Variants in ITGB2 observed in about 807,000 individuals in gnomAD.
The protein encoded by ITGB2 is integrin beta-2.
Under a neutral mutation model 86.8 loss-of-function variants are expected in ITGB2, and 56 were observed. The observed-to-expected ratio is 0.65, with a 90% CI of 0.52 to 0.81. The LOEUF (loss-of-function observed/expected upper bound fraction) is 0.81, where lower values mean the gene tolerates loss of function less well. Among genes scored for constraint, ITGB2 ranks in the 30% least tolerant of loss-of-function variants. The probability of loss-of-function intolerance (pLI) is 0.00; values close to 1 mark genes in which losing one functional copy is unlikely to be tolerated. For missense variants in ITGB2, 948 were observed against 1,061.2 expected, an observed-to-expected ratio of 0.89 and a Z score of 1.48; for synonymous variants, 457 against 450.4, an observed-to-expected ratio of 1.01 and a Z score of -0.19.
At chr21:44,902,187 G>A (rs576624671) in intron 5 of ITGB2, among the ~76,000 whole-genome samples, 1 of 152,340 alleles carries the variant, frequency 6.6e-6, no homozygotes, top group Admixed American at 6.5e-5. Flanking sequence ...TACATATGTG[G>A]GCATGTGTGT....
At chr21:44,899,846 C>T (rs1043656965) in intron 7 of ITGB2, among the ~76,000 whole-genome samples, 1 of 152,230 alleles carries the variant, frequency 6.6e-6, no homozygotes, top group African/African-American at 2.4e-5. Context: ...CGCAGCCGCT[C>T]ACCCAGCTCA....
At chr21:44,924,281 T>A (rs184471462), upstream of ITGB2, among the ~76,000 whole-genome samples, 94 of 150,758 alleles carry the variant, frequency 6.2e-4, no homozygotes, top group East Asian at 0.015. Context: ...AATACAAAAA[T>A]TAGCTGGGCA....
intron 8 of ITGB2, among the ~76,000 whole-genome samples, chr21:44,897,236 C>T (rs1045419458): frequency 3.9e-5 from 6 of 152,244 alleles, no homozygotes; most frequent in African/African-American, 9.6e-5. Context: ...AGCTGGGATA[C>T]GGGCCTGACA....
Position 44,891,966 on chromosome 21 carries a change from C to A in ITGB2, c.1255G>T (p.Glu419Ter). The change falls in exon 11 of 16, where the codon GAG becomes TAG. Residue 419 changes from glutamate (E) to a stop codon, truncating the protein, a stop_gained. Transcript: ENST00000652462. LOFTEE classifies it high-confidence loss of function. Reference sequence around the variant, plus strand: ...ACAAACGACTGCTCCTGGATGCACTCTGTGGCCGTGACCTTCACCTGGAAG... The same window carrying A: ...ACAAACGACTGCTCCTGGATGCACTATGTGGCCGTGACCTTCACCTGGAAG... ...ITFQVKVTAT[E>*]CIQEQSFVIR... 6.2e-7 allele frequency: 1 copy of A among 1,613,154 alleles called. No individual in the cohort carries two copies. The highest frequency in any genetic ancestry group is 1.1e-5 in the South Asian group (1 of 91,080).
intron 8 of ITGB2, 141 bp from the exon 9 acceptor site, chr21:44,895,201 G>C (rs2083847634): frequency 1.4e-6 from 1 of 714,940 alleles, no homozygotes; most frequent in East Asian, 2.6e-5. Context: ...GGTCCCCAGA[G>C]TGTGTGGTCA....
At chr21:44,910,200 C>A in intron 3 of ITGB2, 84 bp downstream of exon 3, 1 of 1,540,838 alleles carries the variant, frequency 6.5e-7, no homozygotes, top group South Asian at 1.2e-5. Flanking sequence ...GTTGTTGGTC[C>A]TCTGGGTGCC....
intron 1 of ITGB2, among the ~76,000 whole-genome samples, chr21:44,920,321 C>T (rs537487952): frequency 6.6e-6 from 1 of 152,314 alleles, no homozygotes; most frequent in African/African-American, 2.4e-5. Flanking sequence ...CGACACTACA[C>T]ACCACGAACC....
chr21:44,909,705 A>G (rs3788146), intron 3 of ITGB2, among the ~76,000 whole-genome samples: 24,148 of 152,198 alleles, frequency 0.16, 2,045 homozygotes, highest in African/African-American at 0.17. Context: ...AAATATGCGT[A>G]GTGTGTAGGT....
chr21:44,898,150 C>A (rs2083895601), intron 8 of ITGB2, among the ~76,000 whole-genome samples: 1 of 152,182 alleles, frequency 6.6e-6, no homozygotes, highest in Non-Finnish European at 1.5e-5. Context: ...CTCTGGAGGG[C>A]TAGAGACTGA....
intron 4 of ITGB2, among the ~76,000 whole-genome samples, chr21:44,904,012 T>C (rs2146533007): frequency 6.6e-6 from 1 of 152,230 alleles, no homozygotes; most frequent in East Asian, 1.9e-4. Context: ...GGACTTCCGC[T>C]CGCCCGCGTC....
Position 44,907,087 on chromosome 21 carries a change from T to G in ITGB2, c.156A>C (p.Thr52=), listed in dbSNP as rs2084054996. Reference sequence around the variant, plus strand: ...GAATGGAGTCAGGATCCCCCGGCCCTGTGAAGTTCTGGGGAGGGGGAGTCA... The same window carrying G: ...GAATGGAGTCAGGATCCCCCGGCCCGGTGAAGTTCTGGGGAGGGGGAGTCA... ...GCTWCQKLNF[T]GPGDPDSIRC... is the part of the protein sequence containing the mutation. The change falls in exon 4 of 16, where the codon ACA becomes ACC. Residue 52 remains threonine, a synonymous_variant. Transcript: ENST00000652462. The G allele has an allele frequency of 6.3e-7, 1 of 1,599,442 alleles. No individual in the cohort carries two copies. The highest frequency in any genetic ancestry group is 8.5e-7 in the Non-Finnish European group (1 of 1,170,518).
intron 4 of ITGB2, among the ~76,000 whole-genome samples, chr21:44,905,211 G>A (rs78365502): frequency 1.3e-5 from 2 of 152,054 alleles, no homozygotes; most frequent in South Asian, 2.1e-4. Flanking sequence ...CCAGGACCCC[G>A]CGAGAGGACA....
At chr21:44,920,015 G>T (rs544202094) in intron 1 of ITGB2, among the ~76,000 whole-genome samples, 3 of 152,272 alleles carry the variant, frequency 2.0e-5, no homozygotes, top group African/African-American at 7.2e-5. Context: ...GGGAGGCCAG[G>T]GTCACCAGCT....
At chr21:44,927,343 TA>T (rs1174133613) in intron 1 of ITGB2, among the ~76,000 whole-genome samples, 3 of 152,032 alleles carry the variant, frequency 2.0e-5, no homozygotes, top group Admixed American at 2.0e-4. Context: ...GTGAGGTTCA[TA>T]AGGGATGAGA....
At chr21:44,900,549 G>C in intron 6 of ITGB2, 74 bp from the exon 7 acceptor site, 3 of 1,576,490 alleles carry the variant, frequency 1.9e-6, no homozygotes, top group Non-Finnish European at 2.6e-6. Flanking sequence ...CAGAGGAGAC[G>C]ATGCAGAGCT....
rs1057514766 is a variant in ITGB2, at chr21:44,900,342, A to G, written c.875T>C (p.Leu292Ser). The G allele has an allele frequency of 1.2e-6, 2 of 1,614,112 alleles. No homozygotes were observed. Among genetic ancestry groups the G allele is most frequent in the Non-Finnish European group, 1.7e-6 (2 of 1,179,986 alleles). The change falls in exon 7 of 16, where the codon TTG becomes TCG. Residue 292 changes from leucine (L) to serine (S), a missense_variant. Transcript: ENST00000652462. ...TACGAATTCGTTGCTCCTCTTGTAC[A>G]AGTTGTCCTCCAGGTGACAGCGGCC... Reference protein sequence around the residue: ...NDGRCHLEDNLYKRSNEFDYP... With the variant: ...NDGRCHLEDNSYKRSNEFDYP...
Position 44,910,772 on chromosome 21 carries a change from A to G in ITGB2, c.11T>C (p.Leu4Pro). The G allele has an allele frequency of 1.9e-6, 3 of 1,613,636 alleles. No homozygotes were observed. Among genetic ancestry groups the G allele is most frequent in the Non-Finnish European group, 2.5e-6 (3 of 1,179,856 alleles). Residue 4 changes from leucine to proline, a missense_variant, in exon 2 of 16, where the codon CTG becomes CCG. Coordinates refer to ENST00000652462, the MANE Select transcript of ITGB2 (RefSeq NM_000211.5). The stretch of plus-strand genomic sequence containing the variant: ...CACCAGGGCGAGCAGTGGGGGGCGC[A>G]GGCCCAGCATGTCCTGTGGAGGGAA... Reference protein sequence around the residue: MLGLRPPLLALVGL... With the variant: MLGPRPPLLALVGL...
At chr21:44,911,279 T>TAC (rs946268995) in intron 1 of ITGB2, 2 of 226,044 alleles carry the variant, frequency 8.8e-6, no homozygotes, top group African/African-American at 4.5e-5. Flanking sequence ...CATGCACACG[T>TAC]ACACACACAT....
chr21:44,892,928 G>C (rs1314400054), intron 10 of ITGB2: 1 of 191,724 alleles, frequency 5.2e-6, no homozygotes, highest in Non-Finnish European at 1.1e-5. Flanking sequence ...CAGGTTTGCC[G>C]TTTGCGCCTG....
Sources: allele counts gnomAD v4.1 joint callset (sites outside exome capture counted in the v4.1 genomes callset), GRCh38; gene constraint gnomAD v4.1.1; transcripts MANE v1.5; gene names NCBI Gene and HGNC (gene_info 2026-07-23, HGNC 2026-07-21).